WDR37: variants seen among roughly 807,000 people sequenced by gnomAD.
WDR37 encodes the protein WD repeat domain 37.
Under a neutral mutation model 62.9 loss-of-function variants are expected in WDR37, and 19 were observed. The observed-to-expected ratio is 0.30, with a 90% confidence interval of 0.21 to 0.44. WDR37 has a LOEUF of 0.44. Among genes scored for constraint, WDR37 ranks in the 20% least tolerant of loss-of-function variants. WDR37 has a pLI of 1.00. For missense variants in WDR37, 474 were observed against 657.6 expected (o/e 0.72, Z 3.05); for synonymous variants, 250 against 260.9 (o/e 0.96, Z 0.40).
intron 11 of WDR37, among the ~76,000 whole-genome samples, chr10:1,119,960 T>G (rs914335132): frequency 6.6e-6 from 1 of 152,214 alleles, no homozygotes; most frequent in Non-Finnish European, 1.5e-5. Context: ...CAGGGAACAG[T>G]TGAATTTGAA....
intron 2 of WDR37, among the ~76,000 whole-genome samples, chr10:1,073,227 T>C (rs967827915): frequency 6.6e-6 from 1 of 152,208 alleles, no homozygotes; most frequent in South Asian, 2.1e-4. Flanking sequence ...TATATAACTA[T>C]ATGTAAACTT....
At chr10:1,066,338 G>C (rs11250246) in intron 1 of WDR37, among the ~76,000 whole-genome samples, 11 of 152,208 alleles carry the variant, frequency 7.2e-5, no homozygotes, top group Admixed American at 2.6e-4. Context: ...GGATGGTCTC[G>C]AAGTCCTGAC....
At position 1,129,693 on chromosome 10, in the gene WDR37, CG is replaced by C; in HGVS notation, c.*351del. 1 of 175,636 alleles carries C rather than the reference CG, an allele frequency of 5.7e-6. No homozygotes were observed. The highest frequency in any genetic ancestry group is 1.3e-4 in the South Asian group (1 of 7,750). The allele number at this position is 175,636 out of a possible 1,614,324, so 10.9% of individuals were successfully genotyped here. A position where few individuals can be genotyped will look rare whatever the true frequency, so the allele number is the denominator to read the frequency against. Reference sequence around the variant, plus strand: ...AAATGTGAACTTCTGTATTACGTTGCGGCGTCGGCAGTCCTGCGTTCCCTGG... The same window carrying C: ...AAATGTGAACTTCTGTATTACGTTGCGCGTCGGCAGTCCTGCGTTCCCTGG... On this transcript the variant is annotated 3_prime_UTR_variant, in exon 14 of 14. Transcript: ENST00000263150.
chr10:1,091,337 G>A (rs1422956133), intron 7 of WDR37, among the ~76,000 whole-genome samples: 1 of 152,202 alleles, frequency 6.6e-6, no homozygotes, highest in African/African-American at 2.4e-5. Flanking sequence ...TCTAGTGATC[G>A]TTTGGTTTTA....
At position 1,129,325 on chromosome 10, in the gene WDR37, C is replaced by T. The variant is rs1304938303; in HGVS notation, c.1466C>T (p.Ala489Val). The T allele has an allele frequency of 1.2e-5, 20 of 1,614,120 alleles. No individual in the cohort carries two copies. The highest frequency in any genetic ancestry group is 1.7e-5 in the Non-Finnish European group (20 of 1,180,020). Residue 489 changes from alanine (A) to valine (V), a missense_variant, in exon 14 of 14, where the codon GCA (alanine) becomes GTA (valine). Transcript: ENST00000263150. ...QAIGWNINIPALLQEK is the reference protein window; with the variant it reads ...QAIGWNINIPVLLQEK ...ATTGGTTGGAACATCAACATCCCTG[C>T]ATTGCTACAAGAAAAATAAGGACAC... is the stretch of plus-strand genomic sequence containing the variant.
chr10:1,062,005 CTT>C (rs113914265), intron 1 of WDR37, among the ~76,000 whole-genome samples: 1 of 144,192 alleles, frequency 6.9e-6, no homozygotes, highest in Admixed American at 6.9e-5. Context: ...TGGTCTTGAG[CTT>C]TTTTTTTTTT....
chr10:1,080,920 A>AT (rs1286822484), intron 5 of WDR37, among the ~76,000 whole-genome samples: 10 of 152,104 alleles, frequency 6.6e-5, no homozygotes, highest in African/African-American at 2.4e-4. Context: ...AAAAAAAAAA[A>AT]GAATGTCACT....
In WDR37 at chr10:1,103,555, G is replaced by T. The variant is rs1327585598; in HGVS notation, c.727-47G>T. Reference sequence around the variant, plus strand: ...TGTAGCTATGTCAGAAGAAACTCAAGATTTCCAGGAAATGTCTTTCTTTTC... The same window carrying T: ...TGTAGCTATGTCAGAAGAAACTCAATATTTCCAGGAAATGTCTTTCTTTTC... On this transcript the variant is annotated intron_variant, in intron 9 of 13. Transcript: ENST00000263150. The surrounding 1 kb of genome is among the most constrained non-coding windows in gnomAD (Gnocchi z 6.3). 1 of 1,594,248 alleles carries T rather than the reference G, an allele frequency of 6.3e-7. No homozygotes were observed.
At chr10:1,076,418 G>A (rs1343953962) in intron 2 of WDR37, among the ~76,000 whole-genome samples, 1 of 152,118 alleles carries the variant, frequency 6.6e-6, no homozygotes, top group Admixed American at 6.5e-5. Context: ...GGTGGCTCAT[G>A]CCTGTAATCC....
chr10:1,062,017 TG>T lies in WDR37; in HGVS notation c.-41+5056del, dbSNP rs919063350. 2.8e-4 allele frequency among the ~76,000 whole-genome samples: 43 copies of T among 151,246 alleles called. 1 individual carries two copies. The highest frequency in any genetic ancestry group is 6.6e-4 in the Admixed American group (10 of 15,176). On this transcript the variant is annotated intron_variant, in intron 1 of 13. Coordinates refer to ENST00000263150, the MANE Select transcript of WDR37 (RefSeq NM_014023.4). ...TTCTGGTCTTGAGCTTTTTTTTTTT[TG>T]GGGGGGCCAAGGACTGAGTTTCCAT...
Position 1,072,122 on chromosome 10 carries a change from G to T in WDR37, c.-34G>T. 2 of 1,610,668 alleles carry T rather than the reference G, an allele frequency of 1.2e-6. No individual in the cohort carries two copies. The highest frequency in any genetic ancestry group is 2.2e-5 in the East Asian group (1 of 44,788). On this transcript the variant is annotated 5_prime_UTR_variant, in exon 2 of 14. Transcript: ENST00000263150. ...TTTTTCTTGCTGTTTTTAGCTTATTGCAGGAGTGACCAGGACACTACCTCC... is the reference window on the plus strand; with the variant it reads ...TTTTTCTTGCTGTTTTTAGCTTATTTCAGGAGTGACCAGGACACTACCTCC...
At position 1,132,247 on chromosome 10, in the gene WDR37, A is replaced by T. The variant is rs1272256810; in HGVS notation, c.*2903A>T. 1 of 152,230 alleles carries T rather than the reference A, an allele frequency of 6.6e-6. No homozygotes were observed. The highest frequency in any genetic ancestry group is 2.4e-5 in the African/African-American group (1 of 41,460). 9.4% of individuals were successfully genotyped at this position (152,230 alleles called of 1,614,324 possible). A position where few individuals can be genotyped will look rare whatever the true frequency, so the allele number is the denominator to read the frequency against. Reference sequence around the variant, plus strand: ...TTGGTGAAACATTGTGAATGACTATATAAACATCACGATGAGCTAGAAATT... The same window carrying T: ...TTGGTGAAACATTGTGAATGACTATTTAAACATCACGATGAGCTAGAAATT... On this transcript the variant is annotated 3_prime_UTR_variant, in exon 14 of 14. Coordinates refer to ENST00000263150, the MANE Select transcript of WDR37 (RefSeq NM_014023.4).
intron 11 of WDR37, among the ~76,000 whole-genome samples, chr10:1,120,528 A>G (rs1318310308): frequency 1.3e-5 from 2 of 152,296 alleles, no homozygotes; most frequent in Non-Finnish European, 2.9e-5. Flanking sequence ...TAATAAAGTA[A>G]TAAAGCCACA....
chr10:1,110,169 G>C (rs560392607), intron 11 of WDR37, among the ~76,000 whole-genome samples: 2 of 152,214 alleles, frequency 1.3e-5, no homozygotes, highest in East Asian at 3.9e-4. Flanking sequence ...TTGCTGTGTC[G>C]GGGCGAGTCC....
intron 11 of WDR37, among the ~76,000 whole-genome samples, chr10:1,116,402 C>A (rs1038025729): frequency 6.6e-6 from 1 of 152,186 alleles, no homozygotes; most frequent in East Asian, 1.9e-4. Context: ...GTCAGTCCTC[C>A]GCTGTCCCTG....
At chr10:1,114,642 A>G (rs1835329746) in intron 11 of WDR37, among the ~76,000 whole-genome samples, 1 of 152,310 alleles carries the variant, frequency 6.6e-6, no homozygotes, top group Non-Finnish European at 1.5e-5. Context: ...TTCACCTCAC[A>G]GCGTGTTCTG....
In WDR37 at chr10:1,105,276, C is replaced by T. The variant is rs1035396309; in HGVS notation, c.1103+9C>T. On this transcript the variant is annotated intron_variant, in intron 11 of 13. Transcript: ENST00000263150. This position sits in a 1 kb window ranked among gnomAD's most constrained non-coding sequence, Gnocchi z 5.3. ...TTCCAGGGACACACGGAGTGAGTTG[C>T]GGTAGTTTAGACATCTGTCCTTAGT... 1.3e-5 allele frequency: 21 copies of T among 1,612,770 alleles called. No homozygotes were observed. Among genetic ancestry groups the T allele is most frequent in the Non-Finnish European group, 1.6e-5 (19 of 1,179,400 alleles).
chr10:1,079,565 C>T (rs1381064600), intron 3 of WDR37, among the ~76,000 whole-genome samples: 1 of 148,840 alleles, frequency 6.7e-6, no homozygotes, highest in African/African-American at 2.5e-5. Flanking sequence ...GATGGAGTGT[C>T]ACTCTGTTGT....
chr10:1,102,103 C>T (rs1834832021), intron 9 of WDR37, among the ~76,000 whole-genome samples: 1 of 139,638 alleles, frequency 7.2e-6, no homozygotes, highest in Non-Finnish European at 1.5e-5. Flanking sequence ...GTCCCTGTGA[C>T]GTGTGTTCCC....
Sources: gnomAD v4.1 joint callset for allele counts (sites outside exome capture counted in the v4.1 genomes callset) on GRCh38, gnomAD v4.1.1 for gene constraint, Gnocchi (gnomAD v3.1) non-coding constraint, MANE v1.5 for transcripts, NCBI Gene and HGNC (gene_info 2026-07-23, HGNC 2026-07-21) for gene names.